The following ROBO1 variants were observed in gnomAD, a reference collection of about 807,000 sequenced individuals.
ROBO1 encodes roundabout homolog 1.
Under a neutral mutation model 195.9 loss-of-function variants are expected in ROBO1, and 149 were observed. The ratio of observed to expected loss-of-function variants is 0.76; its 90% confidence interval spans 0.67 to 0.87. The LOEUF is 0.87. Ranked by LOEUF, ROBO1 falls within the 40% of genes least tolerant of loss-of-function variation. The pLI, the probability that ROBO1 is intolerant of heterozygous loss-of-function variation, is 0.00. For synonymous variants in ROBO1, 816 were observed against 733.2 expected (o/e 1.11, Z -1.82); for missense variants, 1,933 against 2,068.3 (o/e 0.93, Z 1.27).
intron 4 of ROBO1, among the ~76,000 whole-genome samples, chr3:78,856,758 A>G (rs1265601602): frequency 6.6e-6 from 1 of 151,662 alleles, no homozygotes; most frequent in Non-Finnish European, 1.5e-5. Context: ...TATATTTCAT[A>G]TAACACTGTT....
At chr3:79,038,628 C>A (rs1429108114) in intron 3 of ROBO1, among the ~76,000 whole-genome samples, 5 of 151,392 alleles carry the variant, frequency 3.3e-5, no homozygotes, top group Non-Finnish European at 5.9e-5. Context: ...TCTCATCTCA[C>A]TACTATAAAC....
chr3:78,929,243 A>G lies in ROBO1; in HGVS notation c.499+9358T>C, dbSNP rs140018739. 4.1e-3 allele frequency among the ~76,000 whole-genome samples: 617 copies of G among 152,294 alleles called. 4 individuals are homozygous for G. Among genetic ancestry groups the G allele is most frequent in the African/African-American group, 0.014 (599 of 41,562 alleles). The stretch of plus-strand genomic sequence containing the variant: ...TCACTTTAGAGACTAAGAGACTGAG[A>G]TTAGACTTAAACATCAGATATACTG... On this transcript the variant is annotated intron_variant, in intron 4 of 30. Transcript: ENST00000464233.
At chr3:79,436,483 T>A (rs1284333723) in intron 2 of ROBO1, among the ~76,000 whole-genome samples, 1 of 152,118 alleles carries the variant, frequency 6.6e-6, no homozygotes, top group Non-Finnish European at 1.5e-5. Flanking sequence ...TCAAAGTGCT[T>A]ATATTTAATA....
At chr3:78,892,807 G>A (rs1576356845) in intron 4 of ROBO1, among the ~76,000 whole-genome samples, 2 of 152,112 alleles carry the variant, frequency 1.3e-5, no homozygotes, top group African/African-American at 4.8e-5. Context: ...TCATATCATT[G>A]ATTTGCCTGA....
At chr3:79,437,211 G>A (rs777694001) in intron 2 of ROBO1, among the ~76,000 whole-genome samples, 1 of 151,944 alleles carries the variant, frequency 6.6e-6, no homozygotes, top group Non-Finnish European at 1.5e-5. Flanking sequence ...ACTTTACCAA[G>A]AAAGCAAGAT....
intron 4 of ROBO1, among the ~76,000 whole-genome samples, chr3:78,765,399 T>A (rs1419024238): frequency 2.6e-5 from 4 of 152,036 alleles, no homozygotes; most frequent in African/African-American, 9.6e-5. Flanking sequence ...AATTTATTAT[T>A]AAATATAAAC....
At chr3:79,143,669 T>C (rs2080581956) in intron 2 of ROBO1, among the ~76,000 whole-genome samples, 1 of 152,068 alleles carries the variant, frequency 6.6e-6, no homozygotes, top group African/African-American at 2.4e-5. Context: ...TAATAGCAGG[T>C]TCATGTGCAT....
At chr3:79,141,564 G>GT (rs1197071923) in intron 2 of ROBO1, among the ~76,000 whole-genome samples, 5 of 45,522 alleles carry the variant, frequency 1.1e-4, no homozygotes, top group South Asian at 1.6e-3. Context: ...GGTTGCTGTT[G>GT]TTGTTTTTTT....
chr3:78,784,002 C>G (rs1010163454), intron 4 of ROBO1, among the ~76,000 whole-genome samples: 3 of 151,844 alleles, frequency 2.0e-5, no homozygotes, highest in Non-Finnish European at 4.4e-5. Flanking sequence ...TTTTAAGCAT[C>G]TAAGGTAAAA....
chr3:79,278,922 TA>T (rs1235777269), intron 2 of ROBO1, among the ~76,000 whole-genome samples: 1 of 152,120 alleles, frequency 6.6e-6, no homozygotes, highest in Admixed American at 6.5e-5. Context: ...TGGGAGAATG[TA>T]TTTGCAAATG....
rs1246684431 is a variant in ROBO1, at chr3:79,607,736, C to T, written c.-50-17775G>A. Among the ~76,000 whole-genome samples, 28 of 151,816 alleles carry T rather than the reference C, an allele frequency of 1.8e-4. 1 individual carries two copies. The Admixed American group carries it at 1.8e-3, about 10-fold the overall frequency. On this transcript the variant is annotated intron_variant, in intron 1 of 30. Coordinates refer to ENST00000464233, the MANE Select transcript of ROBO1 (RefSeq NM_002941.4). The stretch of plus-strand genomic sequence containing the variant: ...AGTAATTACGAAGCTGAAAAACTGG[C>T]AAATATTTTAAATAGATTTAATTCC...
chr3:79,742,629 G>T (rs1431101026), intron 1 of ROBO1, among the ~76,000 whole-genome samples: 3 of 152,146 alleles, frequency 2.0e-5, no homozygotes, highest in African/African-American at 2.4e-5. Context: ...ATGGCATGCA[G>T]TACTGAGTCA....
chr3:78,817,753 A>G (rs1224555134), intron 4 of ROBO1, among the ~76,000 whole-genome samples: 1 of 152,196 alleles, frequency 6.6e-6, no homozygotes, highest in Non-Finnish European at 1.5e-5. Flanking sequence ...TAAAAAATAG[A>G]GCTAGTTAAA....
intron 3 of ROBO1, among the ~76,000 whole-genome samples, chr3:78,943,125 A>G (rs1196009776): frequency 6.6e-6 from 1 of 152,048 alleles, no homozygotes. Context: ...CTGAGGCAGG[A>G]GAATGGCGTG....
intron 1 of ROBO1, among the ~76,000 whole-genome samples, chr3:79,697,437 T>C (rs1033951782): frequency 6.6e-6 from 1 of 151,480 alleles, no homozygotes; most frequent in Non-Finnish European, 1.5e-5. Flanking sequence ...ATGGTCATCA[T>C]ATCTTAAGGA....
intron 2 of ROBO1, among the ~76,000 whole-genome samples, chr3:79,382,405 GCATT>G: frequency 6.6e-6 from 1 of 151,546 alleles, no homozygotes; most frequent in East Asian, 2.0e-4. Flanking sequence ...GTGTAGGGAA[GCATT>G]TGGAATATAA....
chr3:78,786,567 G>A (rs62257493), intron 4 of ROBO1, among the ~76,000 whole-genome samples: 7,731 of 152,064 alleles, frequency 0.051, 276 homozygotes, highest in Non-Finnish European at 0.079. Context: ...ACATGTCGTG[G>A]GAGGGACCCG....
At chr3:79,168,336 T>C (rs976263756) in intron 2 of ROBO1, among the ~76,000 whole-genome samples, 1 of 152,174 alleles carries the variant, frequency 6.6e-6, no homozygotes, top group African/African-American at 2.4e-5. Context: ...GGAGATTTTT[T>C]TTTTCCAGAA....
rs577054044 is a variant in ROBO1, at chr3:79,148,244, C to T, written c.89-22705G>A. Among the ~76,000 whole-genome samples, 46 of 151,932 alleles carry T rather than the reference C, an allele frequency of 3.0e-4. No individual in the cohort carries two copies. In the Middle Eastern group the frequency reaches 0.014, roughly 45 times the overall value. ...CACAAGGGCTGCAAATGGTTTCAAA[C>T]AGCACCACGATGGTAAACGGGATTC... On this transcript the variant is annotated intron_variant, in intron 2 of 30. Coordinates refer to ENST00000464233, the MANE Select transcript of ROBO1 (RefSeq NM_002941.4).
Sources: gnomAD v4.1 joint callset for allele counts (sites outside exome capture counted in the v4.1 genomes callset) on GRCh38, gnomAD v4.1.1 for gene constraint, MANE v1.5 for transcripts, NCBI Gene and HGNC (gene_info 2026-07-23, HGNC 2026-07-21) for gene names.